The following CCDC102B variants were observed in gnomAD, a reference collection of about 807,000 sequenced individuals.
CCDC102B encodes the protein coiled-coil domain containing 102B, also known as coiled-coil domain-containing protein 102B.
A neutral mutation model predicts 57.4 loss-of-function variants in CCDC102B; 75 were observed. That is an observed-to-expected ratio of 1.31 (90% CI 1.08 to 1.58). The LOEUF (loss-of-function observed/expected upper bound fraction) is 1.58. Among genes scored for constraint, CCDC102B ranks in the 40% most tolerant of loss-of-function variants. CCDC102B has a pLI of 0.00. For missense variants in CCDC102B, 636 were observed against 582.6 expected, an observed-to-expected ratio of 1.09 and a Z score of -0.94; for synonymous variants, 206 against 201.9, an observed-to-expected ratio of 1.02 and a Z score of -0.17.
intron 6 of CCDC102B, among the ~76,000 whole-genome samples, chr18:68,912,615 T>C (rs144404581): frequency 2.1e-4 from 32 of 152,306 alleles, no homozygotes; most frequent in Admixed American, 1.4e-3. Flanking sequence ...GGATAGTATA[T>C]ACGTTTTTTA....
At chr18:68,746,168 T>C (rs78142949) in intron 2 of CCDC102B, among the ~76,000 whole-genome samples, 2,218 of 152,294 alleles carry the variant, frequency 0.015, 62 homozygotes, top group African/African-American at 0.051. Flanking sequence ...AGATTTATGC[T>C]TAGAAACCAA....
intron 2 of CCDC102B, among the ~76,000 whole-genome samples, chr18:68,732,739 T>G (rs2032939727): frequency 6.6e-6 from 1 of 152,064 alleles, no homozygotes; most frequent in Non-Finnish European, 1.5e-5. Flanking sequence ...CTATTTAGAG[T>G]TAAGGTTTTC....
At chr18:68,977,443 G>A (rs745997390) in intron 6 of CCDC102B, among the ~76,000 whole-genome samples, 2 of 151,452 alleles carry the variant, frequency 1.3e-5, no homozygotes, top group Admixed American at 6.6e-5. Context: ...AGGCCCCAGT[G>A]TGTGACGTTC....
At chr18:68,769,703 CAA>C (rs926073252) in intron 2 of CCDC102B, among the ~76,000 whole-genome samples, 1 of 143,818 alleles carries the variant, frequency 7.0e-6, no homozygotes, top group Non-Finnish European at 1.5e-5. Flanking sequence ...TATGAGTTAC[CAA>C]AAAAAAAAGC....
chr18:68,967,670 G>A (rs2050200079), intron 6 of CCDC102B, among the ~76,000 whole-genome samples: 1 of 151,982 alleles, frequency 6.6e-6, no homozygotes, highest in Non-Finnish European at 1.5e-5. Flanking sequence ...TATGATTTCT[G>A]GTTATGAAAC....
chr18:68,922,740 T>C (rs2041326931), intron 6 of CCDC102B, among the ~76,000 whole-genome samples: 1 of 152,086 alleles, frequency 6.6e-6, no homozygotes, highest in Admixed American at 6.6e-5. Context: ...ATTCCTCACC[T>C]GTACCCAGAG....
At chr18:68,716,376 C>T (rs2031992378) in intron 1 of CCDC102B, among the ~76,000 whole-genome samples, 2 of 152,008 alleles carry the variant, frequency 1.3e-5, no homozygotes, top group South Asian at 2.1e-4. Context: ...ATTTGCGTTA[C>T]AGTTTAAGTT....
chr18:69,056,006 G>T (rs2052809426), downstream of CCDC102B, among the ~76,000 whole-genome samples: 1 of 152,048 alleles, frequency 6.6e-6, no homozygotes, highest in South Asian at 2.1e-4. Context: ...TTCCAGGGTT[G>T]CTATGAACAA....
chr18:68,974,659 A>G (rs1008165391), intron 6 of CCDC102B, among the ~76,000 whole-genome samples: 2 of 151,994 alleles, frequency 1.3e-5, no homozygotes, highest in African/African-American at 4.8e-5. Context: ...GAGGTTATAC[A>G]TATAAATACT....
intron 5 of CCDC102B, among the ~76,000 whole-genome samples, chr18:68,888,952 T>G (rs190416271): frequency 3.9e-5 from 6 of 152,100 alleles, no homozygotes; most frequent in African/African-American, 1.4e-4. Flanking sequence ...TTTATTATAA[T>G]TGGTAGTTGC....
chr18:68,803,643 A>T (rs1352794214), intron 1 of CCDC102B, among the ~76,000 whole-genome samples: 2 of 152,226 alleles, frequency 1.3e-5, no homozygotes, highest in African/African-American at 4.8e-5. Flanking sequence ...CACAGGCAGA[A>T]GCTACTTTAA....
At chr18:68,790,717 G>A (rs556910997) in intron 2 of CCDC102B, among the ~76,000 whole-genome samples, 27 of 152,264 alleles carry the variant, frequency 1.8e-4, no homozygotes, top group African/African-American at 6.5e-4. Context: ...CCACTGACCT[G>A]CGCCCACTGT....
At chr18:68,870,207 G>A (rs1290736525) in intron 4 of CCDC102B, among the ~76,000 whole-genome samples, 1 of 152,060 alleles carries the variant, frequency 6.6e-6, no homozygotes, top group Non-Finnish European at 1.5e-5. Flanking sequence ...GGGTGGGTGG[G>A]GGAAAGGGGA....
chr18:69,031,357 T>A (rs2052138689), intron 7 of CCDC102B, among the ~76,000 whole-genome samples: 1 of 152,098 alleles, frequency 6.6e-6, no homozygotes, highest in African/African-American at 2.4e-5. Context: ...AATCCAATCA[T>A]AAAACTTACT....
chr18:68,801,388 C>A (rs1019418924), intron 1 of CCDC102B, among the ~76,000 whole-genome samples: 1 of 152,040 alleles, frequency 6.6e-6, no homozygotes, highest in Admixed American at 6.6e-5. Context: ...GTAGTCATAG[C>A]TTTGCAAAGG....
chr18:68,795,629 CG>C (rs538107466), upstream of CCDC102B, among the ~76,000 whole-genome samples: 334 of 152,230 alleles, frequency 2.2e-3, no homozygotes, highest in African/African-American at 7.7e-3. Context: ...CTCCCCTGTG[CG>C]TTTTGTCTAA....
At chr18:69,055,707 G>A (rs986118800), downstream of CCDC102B, among the ~76,000 whole-genome samples, 10 of 152,128 alleles carry the variant, frequency 6.6e-5, no homozygotes, top group Non-Finnish European at 1.2e-4. Flanking sequence ...TTCCTCTCAA[G>A]ATCCTAAACG....
chr18:69,001,520 C>T (rs1680473182), intron 6 of CCDC102B, among the ~76,000 whole-genome samples: 1 of 151,300 alleles, frequency 6.6e-6, no homozygotes, highest in African/African-American at 2.4e-5. Context: ...CAGGGACTCT[C>T]TGAAAAGCCA....
intron 6 of CCDC102B, among the ~76,000 whole-genome samples, chr18:68,982,247 C>T (rs1291258662): frequency 6.6e-6 from 1 of 151,218 alleles, no homozygotes; most frequent in African/African-American, 2.4e-5. Context: ...GTAAAAAAAA[C>T]AATGAAGTAT....
Sources: gnomAD v4.1 joint callset for allele counts (sites outside exome capture counted in the v4.1 genomes callset) on GRCh38, gnomAD v4.1.1 for gene constraint, MANE v1.5 for transcripts, NCBI Gene and HGNC (gene_info 2026-07-23, HGNC 2026-07-21) for gene names.